Variants in CSF2RA observed in about 807,000 individuals in gnomAD.
CSF2RA encodes colony stimulating factor 2 receptor subunit alpha.
Under a neutral mutation model 51.6 loss-of-function variants are expected in CSF2RA, and 42 were observed. The observed-to-expected ratio is 0.81, with a 90% CI of 0.64 to 1.05. The LOEUF (loss-of-function observed/expected upper bound fraction) is 1.05, where lower values mean the gene tolerates loss of function less well. Ranked by LOEUF, CSF2RA falls within the 50% of genes least tolerant of loss-of-function variation. The pLI is 0.00. For synonymous variants in CSF2RA, 222 were observed against 193.0 expected, an observed-to-expected ratio of 1.15 and a Z score of -1.24; for missense variants, 530 against 501.1, an observed-to-expected ratio of 1.06 and a Z score of -0.55.
chrX:1,314,006 ATAAAATAAAATTAAAT>A (rs1305209714), downstream of CSF2RA, among the ~76,000 whole-genome samples: 5 of 151,732 alleles, frequency 3.3e-5, no homozygotes, highest in Non-Finnish European at 5.9e-5. Context: ...AAATGAATAA[ATAAAATAAAATTAAAT>A]TAAAATAAAA....
chrX:1,270,273 TG>T (rs1263119748), intron 1 of CSF2RA, among the ~76,000 whole-genome samples: 2 of 152,092 alleles, frequency 1.3e-5, no homozygotes, highest in Non-Finnish European at 2.9e-5. Context: ...ATCATCTGGC[TG>T]TGTCATCCAG....
chrX:1,290,758 G>A (rs2091323494), intron 7 of CSF2RA, among the ~76,000 whole-genome samples: 2 of 151,910 alleles, frequency 1.3e-5, no homozygotes, highest in Admixed American at 6.6e-5. Context: ...CCAGCTACTC[G>A]GAAGGCTGAG....
intron 3 of CSF2RA, among the ~76,000 whole-genome samples, chrX:1,284,223 A>G (rs1438177242): frequency 1.6e-4 from 11 of 67,078 alleles, no homozygotes; most frequent in African/African-American, 1.2e-3. Flanking sequence ...TTTTTTTTTG[A>G]GACAGGATCT....
the CSF2RA span, among the ~76,000 whole-genome samples, chrX:1,321,693 C>T: frequency 6.6e-6 from 1 of 152,046 alleles, no homozygotes; most frequent in Non-Finnish European, 1.5e-5. Context: ...AAACGGACTG[C>T]AAAAAGAAGA....
chrX:1,314,200 G>GAACCGCACTGCACCTGCCC (rs1282799158), downstream of CSF2RA, among the ~76,000 whole-genome samples: 1 of 75,606 alleles, frequency 1.3e-5, no homozygotes, highest in African/African-American at 1.1e-4. Flanking sequence ...AGCTTTTGCA[G>GAACCGCACTGCACCTGCCC]AACCGCACTG....
At chrX:1,300,825 A>G (rs1569509303) in intron 10 of CSF2RA, among the ~76,000 whole-genome samples, 199 bp downstream of exon 10, 1 of 151,994 alleles carries the variant, frequency 6.6e-6, no homozygotes. Flanking sequence ...TGCTTTGCTG[A>G]TGTTTTTTCA....
the CSF2RA span, among the ~76,000 whole-genome samples, chrX:1,324,191 C>G: frequency 2.0e-5 from 3 of 150,172 alleles, no homozygotes; most frequent in African/African-American, 7.3e-5. Flanking sequence ...CCTTTAAAAA[C>G]AAAAACAAAA....
rs1239491925 is a variant in CSF2RA at position 1,285,728 on chromosome X, A to G, written c.77-50A>G. ...AAAAAAAAAAAAAAAAAAAAAAAAA[A>G]AAAGGAAAAGAAAAGAGGAAATTCT... On this transcript the variant is annotated intron_variant, in intron 3 of 12. Coordinates refer to ENST00000381529, the MANE Select transcript of CSF2RA (RefSeq NM_172245.4). The G allele has an allele frequency of 7.1e-6, 7 of 991,314 alleles. No individual in the cohort carries two copies. The East Asian group carries it at 9.2e-5, about 13-fold the overall frequency. 61.4% of individuals were successfully genotyped at this position (991,314 alleles called of 1,614,324 possible).
At chrX:1,284,962 T>C (rs28690030) in intron 3 of CSF2RA, among the ~76,000 whole-genome samples, 31,649 of 151,032 alleles carry the variant, frequency 0.21, 3,772 homozygotes, top group Non-Finnish European at 0.26. Context: ...CCACCGCGCC[T>C]GGCCAGTTTT....
intron 4 of CSF2RA, among the ~76,000 whole-genome samples, chrX:1,288,124 G>C (rs139651190): frequency 1.3e-5 from 2 of 151,898 alleles, no homozygotes; most frequent in Non-Finnish European, 2.9e-5. Flanking sequence ...CAGAGCCCTC[G>C]GAGGAAGCTT....
intron 10 of CSF2RA, among the ~76,000 whole-genome samples, chrX:1,301,605 T>C (rs1418817259): frequency 6.2e-5 from 9 of 145,538 alleles, no homozygotes; most frequent in South Asian, 4.4e-4. Flanking sequence ...CTTTTTTTTT[T>C]TTTTTTTTTT....
At chrX:1,273,829 G>A (rs28653229) in intron 1 of CSF2RA, among the ~76,000 whole-genome samples, 135,058 of 147,642 alleles carry the variant, frequency 0.91, 61,843 homozygotes, top group Non-Finnish European at 0.95. Flanking sequence ...CGATCTCCTG[G>A]CCTCATGATC....
At chrX:1,314,136 C>T (rs1369706013), downstream of CSF2RA, among the ~76,000 whole-genome samples, 14 of 151,960 alleles carry the variant, frequency 9.2e-5, no homozygotes, top group East Asian at 1.9e-4. Flanking sequence ...TTGGCACCTA[C>T]GGACCCTCTC....
At chrX:1,274,948 A>C in intron 2 of CSF2RA, 130 bp downstream of exon 2, 1 of 423,086 alleles carries the variant, frequency 2.4e-6, no homozygotes, top group Non-Finnish European at 4.8e-6. Flanking sequence ...AGGGCAGAAG[A>C]ATCTGAATGA....
rs755230743 is a variant in CSF2RA, at chrX:1,295,488, C to G, written c.810+32C>G. The G allele has an allele frequency of 4.3e-6, 7 of 1,612,732 alleles. No homozygotes were observed. In the Admixed American group the frequency reaches 1.0e-4, roughly 23 times the overall value. On this transcript the variant is annotated intron_variant, in intron 9 of 12. Transcript: ENST00000381529. ...GAAACCACAGACCCTACTGACAACCCTCAGCGTAACCCTACGGTCCCCTAC... is the reference window on the plus strand; with the variant it reads ...GAAACCACAGACCCTACTGACAACCGTCAGCGTAACCCTACGGTCCCCTAC...
chrX:1,278,210 T>C (rs761396748), intron 2 of CSF2RA, among the ~76,000 whole-genome samples: 1 of 146,738 alleles, frequency 6.8e-6, no homozygotes, highest in Admixed American at 6.9e-5. Flanking sequence ...GGTGCGTGCC[T>C]GTAGTCCCAG....
chrX:1,293,274 A>G (rs1396423861), intron 7 of CSF2RA, among the ~76,000 whole-genome samples: 9 of 152,196 alleles, frequency 5.9e-5, no homozygotes, highest in African/African-American at 1.7e-4. Context: ...GCTGGAGGGC[A>G]GTGGCGGGAT....
chrX:1,285,756 A>T (rs779136278), intron 3 of CSF2RA, 22 bp from the exon 4 acceptor site: 2 of 1,598,316 alleles, frequency 1.3e-6, no homozygotes, highest in Non-Finnish European at 1.7e-6. Context: ...GAAATTCTGA[A>T]CCCAGTGCCC....
chrX:1,320,554 A>C, the CSF2RA span, among the ~76,000 whole-genome samples: 1 of 143,936 alleles, frequency 6.9e-6, no homozygotes, highest in Admixed American at 7.1e-5. Context: ...CCGGAGTGCC[A>C]TGGCGTGGTC....
Sources: gnomAD v4.1 joint callset for allele counts (sites outside exome capture counted in the v4.1 genomes callset) on GRCh38, gnomAD v4.1.1 for gene constraint, MANE v1.5 for transcripts, NCBI Gene and HGNC (gene_info 2026-07-23, HGNC 2026-07-21) for gene names.